Variants in RBFOX1 observed in about 807,000 individuals in gnomAD.
RBFOX1 encodes RNA binding fox-1 homolog 1.
Under a neutral mutation model 57.7 loss-of-function variants are expected in RBFOX1, and 8 were observed. That is an observed-to-expected ratio of 0.14 (90% CI 0.08 to 0.25). RBFOX1 has a LOEUF of 0.25. Among genes scored for constraint, RBFOX1 ranks in the 10% least tolerant of loss-of-function variants. The pLI, the probability that RBFOX1 is intolerant of heterozygous loss-of-function variation, is 1.00. For missense variants in RBFOX1, 611 were observed against 548.5 expected (o/e 1.11, Z -1.14); for synonymous variants, 326 against 222.4 (o/e 1.47, Z -4.15).
intron 10 of RBFOX1, among the ~76,000 whole-genome samples, chr16:7,610,281 G>A (rs777794742): frequency 2.0e-5 from 3 of 151,640 alleles, no homozygotes; most frequent in South Asian, 2.1e-4. Context: ...CACCATGCCC[G>A]GATCATTTTT....
intron 1 of RBFOX1, among the ~76,000 whole-genome samples, chr16:6,096,321 A>G (rs979975965): frequency 6.6e-6 from 1 of 152,190 alleles, no homozygotes; most frequent in Admixed American, 6.5e-5. Context: ...TAAGTCCTTC[A>G]GGAAAATCGT....
chr16:6,583,118 C>A (rs566588251), intron 2 of RBFOX1, among the ~76,000 whole-genome samples: 4 of 152,102 alleles, frequency 2.6e-5, no homozygotes, highest in Non-Finnish European at 4.4e-5. Flanking sequence ...AGTATCAGAG[C>A]CAGCATTCTC....
At chr16:7,460,204 G>C (rs2059275076) in intron 4 of RBFOX1, among the ~76,000 whole-genome samples, 1 of 151,238 alleles carries the variant, frequency 6.6e-6, no homozygotes, top group African/African-American at 2.4e-5. Flanking sequence ...AGCTGCCATT[G>C]CTCCAGACAT....
chr16:5,721,274 C>T (rs746371606), intron 3 of RBFOX1, among the ~76,000 whole-genome samples: 33 of 152,010 alleles, frequency 2.2e-4, no homozygotes, highest in South Asian at 1.2e-3. Context: ...TGAAGGAATA[C>T]AGCTGATTTT....
intron 9 of RBFOX1, 105 bp from the exon 10 acceptor site, chr16:7,607,180 A>G: frequency 9.6e-7 from 1 of 1,042,962 alleles, no homozygotes; most frequent in Non-Finnish European, 1.4e-6. Context: ...TACATTTTAA[A>G]ATACAAAATG....
chr16:7,472,018 G>C (rs992303590), intron 4 of RBFOX1, among the ~76,000 whole-genome samples: 1 of 152,152 alleles, frequency 6.6e-6, no homozygotes, highest in African/African-American at 2.4e-5. Flanking sequence ...GGAACAATTG[G>C]TGAACACACT....
intron 2 of RBFOX1, among the ~76,000 whole-genome samples, chr16:6,550,688 A>G (rs1183661106): frequency 6.6e-6 from 1 of 152,160 alleles, no homozygotes; most frequent in Non-Finnish European, 1.5e-5. Flanking sequence ...GCCAAAATCA[A>G]TTTCTTCTTC....
intron 3 of RBFOX1, among the ~76,000 whole-genome samples, chr16:5,795,660 A>C (rs2054853086): frequency 1.3e-5 from 2 of 152,112 alleles, no homozygotes; most frequent in Admixed American, 1.3e-4. Context: ...CTCTTCTTCC[A>C]AATCCTAACT....
intron 3 of RBFOX1, among the ~76,000 whole-genome samples, chr16:6,842,705 C>T (rs1259606128): frequency 2.0e-5 from 3 of 147,268 alleles, no homozygotes; most frequent in African/African-American, 7.6e-5. Context: ...GTAGAATGTG[C>T]AGGTTTGTTA....
At chr16:7,657,774 G>C (rs1206428285) in intron 12 of RBFOX1, among the ~76,000 whole-genome samples, 1 of 152,190 alleles carries the variant, frequency 6.6e-6, no homozygotes, top group African/African-American at 2.4e-5. Context: ...TCCAGGGGTA[G>C]GGAAAGTTGT....
intron 1 of RBFOX1, among the ~76,000 whole-genome samples, chr16:6,261,191 A>G (rs1401342361): frequency 2.0e-5 from 3 of 152,202 alleles, no homozygotes; most frequent in Non-Finnish European, 4.4e-5. Flanking sequence ...TTTGGCTTTC[A>G]CATTCCCAGT....
At chr16:7,488,336 G>C (rs1489875439) in intron 4 of RBFOX1, among the ~76,000 whole-genome samples, 1 of 152,004 alleles carries the variant, frequency 6.6e-6, no homozygotes, top group African/African-American at 2.4e-5. Context: ...CTTTATTATA[G>C]CTAGATAGTT....
At chr16:7,481,878 G>A (rs11865295) in intron 4 of RBFOX1, among the ~76,000 whole-genome samples, 60,949 of 152,040 alleles carry the variant, frequency 0.4, 12,911 homozygotes, top group Middle Eastern at 0.49. Flanking sequence ...ATCTAACACA[G>A]AGGCTATCTT....
intron 2 of RBFOX1, among the ~76,000 whole-genome samples, chr16:6,450,571 A>G (rs556045188): frequency 2.7e-4 from 40 of 150,620 alleles, no homozygotes; most frequent in Admixed American, 9.4e-4. Context: ...TGTGGGTATT[A>G]ACTTCATTCC....
chr16:5,376,114 G>A (rs990633137), intron 1 of RBFOX1, among the ~76,000 whole-genome samples: 1 of 151,712 alleles, frequency 6.6e-6, no homozygotes, highest in African/African-American at 2.4e-5. Flanking sequence ...GTTGCAGTGA[G>A]CTGAAATTGT....
intron 5 of RBFOX1, among the ~76,000 whole-genome samples, chr16:7,537,538 C>T (rs1336793176): frequency 6.6e-6 from 1 of 152,214 alleles, no homozygotes; most frequent in Non-Finnish European, 1.5e-5. Flanking sequence ...ACTCTTTTTG[C>T]TGCCACCTTC....
intron 4 of RBFOX1, among the ~76,000 whole-genome samples, chr16:7,079,919 G>A (rs1027372673): frequency 6.6e-6 from 1 of 151,666 alleles, no homozygotes; most frequent in African/African-American, 2.4e-5. Flanking sequence ...GTGGATGGTG[G>A]TGATGGTTGC....
intron 3 of RBFOX1, among the ~76,000 whole-genome samples, chr16:6,800,598 A>C (rs2085180102): frequency 6.6e-6 from 1 of 152,160 alleles, no homozygotes; most frequent in Non-Finnish European, 1.5e-5. Context: ...CGGATGGTTA[A>C]AGAGCAAATT....
At chr16:7,251,349 A>G (rs948576601) in intron 4 of RBFOX1, among the ~76,000 whole-genome samples, 3 of 149,836 alleles carry the variant, frequency 2.0e-5, no homozygotes, top group East Asian at 3.9e-4. Context: ...ACAAGAATTT[A>G]TCTCTTTTTA....
Sources: allele counts gnomAD v4.1 joint callset (sites outside exome capture counted in the v4.1 genomes callset), GRCh38; gene constraint gnomAD v4.1.1; transcripts MANE v1.5; gene names NCBI Gene and HGNC (gene_info 2026-07-23, HGNC 2026-07-21).